The following ADAM17 variants were observed in gnomAD, a reference collection of about 807,000 sequenced individuals.
ADAM17 encodes the protein ADAM metallopeptidase domain 17, also known as disintegrin and metalloproteinase domain-containing protein 17.
In ADAM17, 39 loss-of-function variants were observed where a neutral mutation model predicts 96.7. That is an observed-to-expected ratio of 0.40 (90% CI 0.31 to 0.53). The LOEUF is 0.53. ADAM17 is among the 20% of genes least tolerant of loss of function. ADAM17 has a pLI of 0.44. For missense variants in ADAM17, 777 were observed against 1,013.2 expected (o/e 0.77, Z 3.17); for synonymous variants, 344 against 359.2 (o/e 0.96, Z 0.48).
chr2:9,550,141 G>A (rs1665539252), intron 1 of ADAM17, among the ~76,000 whole-genome samples: 1 of 152,172 alleles, frequency 6.6e-6, no homozygotes, highest in African/African-American at 2.4e-5. Context: ...TCAGGTGCGG[G>A]TTGTTGGGAC....
chr2:9,521,272 C>A lies in ADAM17; in HGVS notation c.888G>T (p.Lys296Asn), dbSNP rs1415492345. 6.2e-7 allele frequency: 1 copy of A among 1,612,632 alleles called. No individual in the cohort carries two copies. The highest frequency in any genetic ancestry group is 1.7e-5 in the Admixed American group (1 of 59,994). ...KSPQEVKPGE[K>N]HYNMAKSYPN... ...GGTAACTTTTTGCCATGTTGTAGTG[C>A]TTTTCACCAGGTTTTACCTCTTGTG... The change falls in exon 8 of 19, where the codon AAG becomes AAT. Residue 296 changes from lysine (K) to asparagine (N), a missense_variant. Coordinates refer to ENST00000310823, the MANE Select transcript of ADAM17 (RefSeq NM_003183.6).
chr2:9,555,464 G>C (rs766011953), intron 1 of ADAM17, 45 bp downstream of exon 1: 5 of 1,490,756 alleles, frequency 3.4e-6, no homozygotes, highest in South Asian at 1.3e-5. Context: ...TCCCTCAAAC[G>C]AGCGCTCCAG....
At chr2:9,535,367 A>G (rs1382431136) in intron 4 of ADAM17, among the ~76,000 whole-genome samples, 1 of 152,202 alleles carries the variant, frequency 6.6e-6, no homozygotes, top group Non-Finnish European at 1.5e-5. Flanking sequence ...CTTGATTTCT[A>G]TTGCTACTCT....
chr2:9,542,553 A>G (rs1665249367), intron 2 of ADAM17, among the ~76,000 whole-genome samples: 1 of 152,234 alleles, frequency 6.6e-6, no homozygotes, highest in South Asian at 2.1e-4. Flanking sequence ...TGATGGTTAT[A>G]AAGTAGCACC....
In ADAM17 at chr2:9,524,978, A is replaced by C. The variant is rs1203681552; in HGVS notation, c.753+1133T>G. Among the ~76,000 whole-genome samples the C allele has an allele frequency of 3.3e-5, 5 of 152,298 alleles. No individual in the cohort carries two copies. In the East Asian group the frequency reaches 9.6e-4, roughly 29 times the overall value. On this transcript the variant is annotated intron_variant, in intron 6 of 18. Coordinates refer to ENST00000310823, the MANE Select transcript of ADAM17 (RefSeq NM_003183.6). ...AAAAAAATACAATTTTTAAGACTAG[A>C]TCTCTCATTATATTCATATTTATAG...
intron 10 of ADAM17, among the ~76,000 whole-genome samples, chr2:9,517,373 T>C (rs1349597677): frequency 5.3e-5 from 8 of 151,958 alleles, no homozygotes; most frequent in East Asian, 1.9e-4. Flanking sequence ...CAGAAGACCA[T>C]AGAGAACATG....
chr2:9,532,702 G>A (rs1572944924), intron 4 of ADAM17, among the ~76,000 whole-genome samples: 1 of 143,354 alleles, frequency 7.0e-6, no homozygotes, highest in African/African-American at 2.6e-5. Context: ...TGCCTGGGCT[G>A]GTCTCAAATT....
chr2:9,508,412 T>G (rs1028758485), intron 11 of ADAM17, among the ~76,000 whole-genome samples: 2 of 152,216 alleles, frequency 1.3e-5, no homozygotes, highest in Non-Finnish European at 1.5e-5. Context: ...GTTTGTTGGC[T>G]TATTAACAAC....
At chr2:9,495,860 C>CTTTTTT (rs34087915) in intron 14 of ADAM17, among the ~76,000 whole-genome samples, 1 of 138,664 alleles carries the variant, frequency 7.2e-6, no homozygotes, top group Non-Finnish European at 1.6e-5. Flanking sequence ...TACGTGTTAC[C>CTTTTTT]TTTTTTTTTT....
Position 9,489,886 on chromosome 2 carries a change from A to AC in ADAM17, c.*290_*291insG, listed in dbSNP as rs1661968086. On this transcript the variant is annotated 3_prime_UTR_variant, in exon 19 of 19. Transcript: ENST00000310823. ...AAGATTAATTTACAAAAACGTAAATATTCATAACCCAATCCAGCTGTATTT... is the reference window on the plus strand; with the variant it reads ...AAGATTAATTTACAAAAACGTAAATACTTCATAACCCAATCCAGCTGTATTT... The AC allele has an allele frequency of 6.6e-6, 2 of 302,724 alleles. No individual in the cohort carries two copies. The highest frequency in any genetic ancestry group is 1.2e-5 in the Non-Finnish European group (2 of 161,888). 18.8% of individuals were successfully genotyped at this position (302,724 alleles called of 1,614,324 possible). A position where few individuals can be genotyped will look rare whatever the true frequency, so the allele number is the denominator to read the frequency against.
chr2:9,532,734 C>A (rs1405986324), intron 4 of ADAM17, among the ~76,000 whole-genome samples: 4 of 151,472 alleles, frequency 2.6e-5, no homozygotes, highest in Admixed American at 6.6e-5. Context: ...GCAGTCCACC[C>A]GCCTCAGCCT....
intron 13 of ADAM17, among the ~76,000 whole-genome samples, chr2:9,497,505 C>T (rs915473381): frequency 1.3e-5 from 2 of 152,216 alleles, no homozygotes; most frequent in African/African-American, 2.4e-5. Context: ...TCCACTTCTG[C>T]ATCTCACAGT....
chr2:9,527,734 G>A (rs565084826), intron 5 of ADAM17, 52 bp downstream of exon 5: 2 of 1,263,126 alleles, frequency 1.6e-6, no homozygotes, highest in African/African-American at 1.5e-5. Context: ...CCCTACTGAA[G>A]TCAATTGTAG....
chr2:9,492,252 A>G (rs911242917), intron 17 of ADAM17, among the ~76,000 whole-genome samples: 1 of 152,230 alleles, frequency 6.6e-6, no homozygotes, highest in African/African-American at 2.4e-5. Context: ...ACAAATCCCC[A>G]TTCCCCACAG....
At chr2:9,505,119 A>C in intron 12 of ADAM17, 47 bp downstream of exon 12, 4 of 1,595,958 alleles carry the variant, frequency 2.5e-6, no homozygotes, top group Non-Finnish European at 3.4e-6. Flanking sequence ...TATTTTGGAC[A>C]TCTTGTTATA....
intron 13 of ADAM17, among the ~76,000 whole-genome samples, chr2:9,501,370 G>C (rs886835643): frequency 1.3e-5 from 2 of 152,146 alleles, no homozygotes; most frequent in African/African-American, 4.8e-5. Context: ...AGGCAACCTA[G>C]CAGTGGTGCT....
At chr2:9,519,431 A>G (rs1039637100) in intron 8 of ADAM17, among the ~76,000 whole-genome samples, 1 of 152,208 alleles carries the variant, frequency 6.6e-6, no homozygotes, top group Non-Finnish European at 1.5e-5. Flanking sequence ...AGAAAAGCAG[A>G]CAGGCGCAGT....
chr2:9,542,171 T>C (rs1207981730), intron 2 of ADAM17, among the ~76,000 whole-genome samples: 1 of 152,208 alleles, frequency 6.6e-6, no homozygotes, highest in African/African-American at 2.4e-5. Context: ...CAATACGTGG[T>C]ATTAAAATTA....
At chr2:9,500,122 T>C (rs1456608570) in intron 13 of ADAM17, among the ~76,000 whole-genome samples, 2 of 152,248 alleles carry the variant, frequency 1.3e-5, no homozygotes, top group African/African-American at 4.8e-5. Context: ...TTATTTGTTA[T>C]AGCAAAAAAG....
Sources: allele counts gnomAD v4.1 joint callset (sites outside exome capture counted in the v4.1 genomes callset), GRCh38; gene constraint gnomAD v4.1.1; transcripts MANE v1.5; gene names NCBI Gene and HGNC (gene_info 2026-07-23, HGNC 2026-07-21).